The following ESRRG variants were observed in gnomAD, a reference collection of about 807,000 sequenced individuals.
ESRRG encodes the protein estrogen related receptor gamma, also known as estrogen-related receptor gamma.
ESRRG carries 13 observed loss-of-function variants against 44.0 expected under a neutral mutation model. The observed-to-expected ratio is 0.30, with a 90% confidence interval of 0.19 to 0.47. The LOEUF (loss-of-function observed/expected upper bound fraction) is 0.47, where lower values mean the gene tolerates loss of function less well. ESRRG is among the 20% of genes least tolerant of loss of function. ESRRG has a pLI of 1.00. For synonymous variants in ESRRG, 215 were observed against 214.6 expected (o/e 1.00, Z -0.02); for missense variants, 395 against 580.6 (o/e 0.68, Z 3.29).
intron 2 of ESRRG, among the ~76,000 whole-genome samples, chr1:216,672,348 A>G (rs2075352668): frequency 6.6e-6 from 1 of 152,238 alleles, no homozygotes; most frequent in African/African-American, 2.4e-5. Flanking sequence ...ACTTGAAAAT[A>G]GTCAACAAGT....
intron 1 of ESRRG, among the ~76,000 whole-genome samples, chr1:216,995,943 G>A (rs767246718): frequency 6.6e-6 from 1 of 152,136 alleles, no homozygotes; most frequent in Non-Finnish European, 1.5e-5. Flanking sequence ...GAAATGAAGA[G>A]TGAGCTGTAA....
intron 2 of ESRRG, among the ~76,000 whole-genome samples, chr1:216,787,459 C>T (rs1423712993): frequency 2.0e-5 from 3 of 151,574 alleles, no homozygotes; most frequent in South Asian, 4.2e-4. Flanking sequence ...AAAACTTAGC[C>T]GGGCATGGTG....
At chr1:216,569,261 GAGGAAGGAAAGAAGGA>G (rs1461755137) in intron 3 of ESRRG, among the ~76,000 whole-genome samples, 18 of 141,498 alleles carry the variant, frequency 1.3e-4, no homozygotes, top group East Asian at 6.3e-4. Flanking sequence ...GGAAAGGAGG[GAGGAAGGAAAGAAGGA>G]AGGAAGGAAA....
intron 1 of ESRRG, among the ~76,000 whole-genome samples, chr1:217,010,998 G>A (rs1056046191): frequency 2.4e-4 from 36 of 152,196 alleles, no homozygotes; most frequent in Admixed American, 1.5e-3. Flanking sequence ...AAATATTCAT[G>A]GGCAACAGCC....
chr1:217,058,245 A>T (rs1005279694), intron 1 of ESRRG, among the ~76,000 whole-genome samples: 2 of 152,212 alleles, frequency 1.3e-5, no homozygotes, highest in African/African-American at 4.8e-5. Flanking sequence ...CAAACGCTTT[A>T]GGCTAGAAGA....
At chr1:216,585,656 C>A (rs114063956) in intron 3 of ESRRG, among the ~76,000 whole-genome samples, 3 of 152,058 alleles carry the variant, frequency 2.0e-5, no homozygotes, top group Non-Finnish European at 4.4e-5. Flanking sequence ...ATGACATATT[C>A]TATTGAATAA....
chr1:217,026,376 G>A (rs935682915), intron 1 of ESRRG, among the ~76,000 whole-genome samples: 4 of 152,176 alleles, frequency 2.6e-5, no homozygotes, highest in Non-Finnish European at 5.9e-5. Flanking sequence ...ACATTTATTA[G>A]AAGACCCTGC....
chr1:216,937,301 G>A (rs373215575), intron 2 of ESRRG, among the ~76,000 whole-genome samples: 5 of 152,084 alleles, frequency 3.3e-5, no homozygotes, highest in African/African-American at 1.2e-4. Flanking sequence ...AGGTATTAAA[G>A]TACCAATGAT....
chr1:217,135,528 G>T (rs2093036976), intron 1 of ESRRG, among the ~76,000 whole-genome samples: 1 of 151,146 alleles, frequency 6.6e-6, no homozygotes, highest in African/African-American at 2.4e-5. Context: ...GGGCGCGCGC[G>T]CGGCGGCGGC....
chr1:216,950,385 C>G (rs985620966), intron 1 of ESRRG, among the ~76,000 whole-genome samples: 2 of 151,996 alleles, frequency 1.3e-5, no homozygotes, highest in Non-Finnish European at 2.9e-5. Context: ...CTGTTTTGCC[C>G]CCTATTCTGA....
At chr1:216,820,086 A>T (rs924579916) in intron 2 of ESRRG, among the ~76,000 whole-genome samples, 1 of 152,212 alleles carries the variant, frequency 6.6e-6, no homozygotes. Context: ...CAAATTTAAT[A>T]AGTATAAAAA....
At chr1:216,518,880 C>A (rs976764791) in intron 6 of ESRRG, among the ~76,000 whole-genome samples, 1 of 152,174 alleles carries the variant, frequency 6.6e-6, no homozygotes, top group Non-Finnish European at 1.5e-5. Context: ...GCTATTACTA[C>A]AAGAGCTTTT....
intron 2 of ESRRG, among the ~76,000 whole-genome samples, chr1:216,832,461 C>T (rs940570235): frequency 6.6e-6 from 1 of 152,176 alleles, no homozygotes; most frequent in African/African-American, 2.4e-5. Flanking sequence ...TGTCATCCTG[C>T]TTCAGGGTCA....
At chr1:217,119,080 T>A (rs1401563436) in intron 1 of ESRRG, among the ~76,000 whole-genome samples, 1 of 152,098 alleles carries the variant, frequency 6.6e-6, no homozygotes, top group Non-Finnish European at 1.5e-5. Context: ...GATAGATATA[T>A]TTCAAGAAAA....
At chr1:216,770,206 C>T (rs986390250) in intron 2 of ESRRG, among the ~76,000 whole-genome samples, 1 of 151,932 alleles carries the variant, frequency 6.6e-6, no homozygotes, top group South Asian at 2.1e-4. Flanking sequence ...TTCAAGGGTG[C>T]ACATCACTTA....
At chr1:217,065,826 G>A (rs997223054) in intron 1 of ESRRG, among the ~76,000 whole-genome samples, 2 of 152,168 alleles carry the variant, frequency 1.3e-5, no homozygotes, top group Non-Finnish European at 2.9e-5. Flanking sequence ...GTTTCCCAGA[G>A]AAGCACTTTT....
At chr1:216,998,491 A>T (rs774928930) in intron 1 of ESRRG, among the ~76,000 whole-genome samples, 32 of 152,214 alleles carry the variant, frequency 2.1e-4, no homozygotes, top group Non-Finnish European at 2.4e-4. Context: ...AGATGGCATG[A>T]TGGCATATTT....
chr1:216,716,626 G>A (rs1346948454), intron 1 of ESRRG, among the ~76,000 whole-genome samples: 2 of 151,882 alleles, frequency 1.3e-5, no homozygotes, highest in African/African-American at 4.8e-5. Flanking sequence ...AAAGAAAAAT[G>A]AGAAGTCACA....
chr1:216,864,089 T>C (rs1244264460), intron 2 of ESRRG: 2 of 152,174 alleles, frequency 1.3e-5, no homozygotes, highest in African/African-American at 4.8e-5. Context: ...AGACAGAACA[T>C]GGGATGAAAT....
Sources: allele counts gnomAD v4.1 joint callset (sites outside exome capture counted in the v4.1 genomes callset), GRCh38; gene constraint gnomAD v4.1.1; transcripts MANE v1.5; gene names NCBI Gene and HGNC (gene_info 2026-07-23, HGNC 2026-07-21).